DNAH11: variants seen among roughly 807,000 people sequenced by gnomAD.
The protein encoded by DNAH11 is axonemal beta dynein heavy chain 11.
In DNAH11, 442 loss-of-function variants were observed where a neutral mutation model predicts 526.0. That is an observed-to-expected ratio of 0.84 (90% CI 0.78 to 0.91). The LOEUF (loss-of-function observed/expected upper bound fraction) is 0.91, where lower values mean the gene tolerates loss of function less well. Ranked by LOEUF, DNAH11 falls within the 40% of genes least tolerant of loss-of-function variation. The pLI is 0.00. For synonymous variants in DNAH11, 2,461 were observed against 1,935.9 expected (o/e 1.27, Z -7.12); for missense variants, 6,989 against 5,448.7 (o/e 1.28, Z -8.90).
At chr7:21,857,347 C>A (rs141980951) in intron 68 of DNAH11, among the ~76,000 whole-genome samples, 133 of 152,236 alleles carry the variant, frequency 8.7e-4, no homozygotes, top group African/African-American at 3.1e-3. Context: ...ACACCATGTT[C>A]ATCAGTTGGA....
Position 21,864,517 on chromosome 7 carries a change from A to G in DNAH11, c.11374-18A>G, listed in dbSNP as rs376885632. 8.7e-6 allele frequency: 14 copies of G among 1,608,002 alleles called. No individual in the cohort carries two copies. The highest frequency in any genetic ancestry group is 2.7e-5 in the African/African-American group (2 of 74,676). On this transcript the variant is annotated intron_variant, in intron 69 of 81. Transcript: ENST00000409508. ...CATGTAAACCTAATAATCCTTTTCA[A>G]TTTTGTCTACTCTCAAGATTTTGTT...
chr7:21,714,472 C>T (rs955766210), intron 42 of DNAH11, among the ~76,000 whole-genome samples: 1 of 152,132 alleles, frequency 6.6e-6, no homozygotes, highest in Admixed American at 6.5e-5. Flanking sequence ...TTTTCCTCTC[C>T]ATAGTTATTG....
At chr7:21,680,083 A>G (rs1024950796) in intron 30 of DNAH11, among the ~76,000 whole-genome samples, 1 of 152,182 alleles carries the variant, frequency 6.6e-6, no homozygotes, top group African/African-American at 2.4e-5. Flanking sequence ...TGTTACAGTT[A>G]TCTCTTCCTC....
intron 26 of DNAH11, among the ~76,000 whole-genome samples, chr7:21,636,418 C>G (rs1786867965): frequency 6.6e-6 from 1 of 152,092 alleles, no homozygotes; most frequent in Non-Finnish European, 1.5e-5. Context: ...ACAAAATACA[C>G]TGTTTTTTAT....
In DNAH11 at chr7:21,781,451, C is replaced by T. The variant is rs1030379579; in HGVS notation, c.9483+2347C>T. Among the ~76,000 whole-genome samples, 63 of 152,194 alleles carry T rather than the reference C, an allele frequency of 4.1e-4. 1 individual carries two copies. The highest frequency in any genetic ancestry group is 1.5e-3 in the African/African-American group (63 of 41,460). On this transcript the variant is annotated intron_variant, in intron 57 of 81. Transcript: ENST00000409508. ...CCTGTGAAAATTAGTTCTTCTTCCACCTTTGTTTGGCTTCTCAGCTCCAAA... is the reference window on the plus strand; with the variant it reads ...CCTGTGAAAATTAGTTCTTCTTCCATCTTTGTTTGGCTTCTCAGCTCCAAA...
chr7:21,789,763 C>CCCTTTCTTTCTTTCTT (rs1788355891), intron 61 of DNAH11, among the ~76,000 whole-genome samples: 18 of 73,042 alleles, frequency 2.5e-4, no homozygotes, highest in South Asian at 1.1e-3. Flanking sequence ...ATTTCTTTCT[C>CCCTTTCTTTCTTTCTT]TCTTTCTTTC....
chr7:21,601,242 T>C, intron 17 of DNAH11, 63 bp downstream of exon 17: 1 of 1,528,828 alleles, frequency 6.5e-7, no homozygotes, highest in Non-Finnish European at 8.8e-7. Flanking sequence ...AACTGAGATG[T>C]TACTTTTAAG....
intron 32 of DNAH11, among the ~76,000 whole-genome samples, chr7:21,686,388 A>T (rs1270985203): frequency 6.6e-6 from 1 of 152,186 alleles, no homozygotes; most frequent in African/African-American, 2.4e-5. Flanking sequence ...TATAAATCTG[A>T]GGAAACTCCA....
Position 21,720,722 on chromosome 7 carries a change from T to C in DNAH11, c.7135-3T>C, listed in dbSNP as rs745569195. On this transcript the variant is annotated splice_region_variant and splice_polypyrimidine_tract_variant and intron_variant, in intron 43 of 81. Transcript: ENST00000409508. ...CCTTATTTGACTATTTCTTTTTCTT[T>C]AGACTCTATGTGTTCTTTTGGAGTG... The C allele has an allele frequency of 1.9e-6, 3 of 1,556,944 alleles. No individual in the cohort carries two copies. Among genetic ancestry groups the C allele is most frequent in the South Asian group, 1.2e-5 (1 of 82,808 alleles).
chr7:21,691,608 T>C (rs1323981838), intron 35 of DNAH11, among the ~76,000 whole-genome samples: 2 of 152,130 alleles, frequency 1.3e-5, no homozygotes, highest in East Asian at 1.9e-4. Flanking sequence ...GAAATAATGA[T>C]TGTTATGTTT....
chr7:21,873,508 A>G lies in DNAH11; in HGVS notation c.12195+7A>G, dbSNP rs769049508. On this transcript the variant is annotated splice_region_variant and intron_variant, in intron 74 of 81. Coordinates refer to ENST00000409508, the MANE Select transcript of DNAH11 (RefSeq NM_001277115.2). ...CCTGTACAACTTTGATCAGGTAAGA[A>G]AGCGAAGCAGGCTAGGCAGACAATG... 14 of 1,613,352 alleles carry G rather than the reference A, an allele frequency of 8.7e-6. No homozygotes were observed. In the South Asian group the frequency reaches 1.5e-4, roughly 18 times the overall value.
In DNAH11 at chr7:21,725,904, G is replaced by A; in HGVS notation, c.7360G>A (p.Val2454Met). 1.3e-6 allele frequency: 2 copies of A among 1,594,268 alleles called. No homozygotes were observed. The highest frequency in any genetic ancestry group is 1.7e-6 in the Non-Finnish European group (2 of 1,169,552). The change falls in exon 45 of 82, where the codon GTG (valine) becomes ATG (methionine). Residue 2454 changes from valine to methionine, a missense_variant. Coordinates refer to ENST00000409508, the MANE Select transcript of DNAH11 (RefSeq NM_001277115.2). The stretch of plus-strand genomic sequence containing the variant: ...GCAGGGAACAATCTTTGATTATTAT[G>A]TGGACCACAAAACTAAGAAATTATT... Reference protein sequence around the residue: ...PSQGTIFDYYVDHKTKKLLPW... With the variant: ...PSQGTIFDYYMDHKTKKLLPW...
chr7:21,646,597 A>C (rs1322344486), intron 28 of DNAH11, among the ~76,000 whole-genome samples: 1 of 152,196 alleles, frequency 6.6e-6, no homozygotes, highest in African/African-American at 2.4e-5. Flanking sequence ...AGTGCACTAC[A>C]TGTGAGGAAA....
intron 73 of DNAH11, among the ~76,000 whole-genome samples, chr7:21,872,123 CAAAAAAAAAAAA>C (rs776718319): frequency 1.3e-4 from 4 of 30,822 alleles, no homozygotes; most frequent in South Asian, 2.2e-3. Context: ...GACTCTGTCT[CAAAAAAAAAAAA>C]AAAAAAAAAA....
chr7:21,594,055 TACACACATAC>T (rs1174204743), intron 14 of DNAH11, among the ~76,000 whole-genome samples: 1 of 77,672 alleles, frequency 1.3e-5, no homozygotes, highest in East Asian at 5.9e-4. Context: ...CACTCTTTCA[TACACACATAC>T]ACACACACAC....
At chr7:21,763,907 A>C (rs368694166) in intron 54 of DNAH11, among the ~76,000 whole-genome samples, 24 of 151,954 alleles carry the variant, frequency 1.6e-4, no homozygotes, top group African/African-American at 5.3e-4. Flanking sequence ...AACCTCGAGG[A>C]CATCATGCTA....
At chr7:21,600,619 T>C (rs1785042560) in intron 15 of DNAH11, 57 bp from the exon 16 acceptor site, 3 of 1,503,616 alleles carry the variant, frequency 2.0e-6, no homozygotes, top group East Asian at 2.3e-5. Flanking sequence ...ATGTTGTAGA[T>C]AATTGGTAAA....
At chr7:21,637,263 T>C (rs1352944128) in intron 26 of DNAH11, among the ~76,000 whole-genome samples, 1 of 151,914 alleles carries the variant, frequency 6.6e-6, no homozygotes, top group East Asian at 1.9e-4. Flanking sequence ...CTCCTCCTAC[T>C]TGTCTCCCTT....
intron 65 of DNAH11, among the ~76,000 whole-genome samples, chr7:21,828,562 G>C (rs905190099): frequency 6.6e-6 from 1 of 151,992 alleles, no homozygotes; most frequent in East Asian, 1.9e-4. Context: ...ATACCAAACA[G>C]GGCTTCAGAT....
Sources: gnomAD v4.1 joint callset for allele counts (sites outside exome capture counted in the v4.1 genomes callset) on GRCh38, gnomAD v4.1.1 for gene constraint, MANE v1.5 for transcripts, NCBI Gene and HGNC (gene_info 2026-07-23, HGNC 2026-07-21) for gene names.